The following ZNRF3 variants were observed in gnomAD, a reference collection of about 807,000 sequenced individuals.
ZNRF3 encodes E3 ubiquitin-protein ligase ZNRF3.
ZNRF3 carries 23 observed loss-of-function variants against 72.5 expected under a neutral mutation model. That is an observed-to-expected ratio of 0.32 (90% CI 0.23 to 0.45). The LOEUF (loss-of-function observed/expected upper bound fraction) is 0.45, where lower values mean the gene tolerates loss of function less well. ZNRF3 is among the 20% of genes least tolerant of loss of function. The pLI, the probability that ZNRF3 is intolerant of heterozygous loss-of-function variation, is 1.00. For synonymous variants in ZNRF3, 610 were observed against 545.3 expected, an observed-to-expected ratio of 1.12 and a Z score of -1.65; for missense variants, 1,169 against 1,272.1, an observed-to-expected ratio of 0.92 and a Z score of 1.23.
intron 1 of ZNRF3, among the ~76,000 whole-genome samples, chr22:28,918,541 TGTGTGTGTGTGTGTGTG>T (rs2034450713): frequency 1.0e-3 from 2 of 1,992 alleles, no homozygotes; most frequent in African/African-American, 1.6e-3. Flanking sequence ...TGTGTGCGTG[TGTGTGTGTGTGTGTGTG>T]TGTGTGTGTG....
chr22:28,988,913 C>T (rs539955710), intron 2 of ZNRF3, among the ~76,000 whole-genome samples: 4 of 152,266 alleles, frequency 2.6e-5, no homozygotes, highest in African/African-American at 4.8e-5. Flanking sequence ...CATGGTTTAG[C>T]GGTGGGGAAA....
chr22:29,049,753 C>T lies in ZNRF3; in HGVS notation c.1572C>T (p.Gly524=), dbSNP rs756383018. 3 of 1,593,676 alleles carry T rather than the reference C, an allele frequency of 1.9e-6. No individual in the cohort carries two copies. The highest frequency in any genetic ancestry group is 2.2e-5 in the East Asian group (1 of 44,498). The change falls in exon 8 of 9, where the codon GGC becomes GGT. Residue 524 remains glycine, a synonymous_variant. Coordinates refer to ENST00000544604, the MANE Select transcript of ZNRF3 (RefSeq NM_001206998.2). This position sits in a 1 kb window ranked among gnomAD's most constrained non-coding sequence, Gnocchi z 5.2. The part of the protein sequence containing the change: ...HVAPPSHLES[G]STSSFSCYHG... ...CCCCGCCCTCCCACCTGGAGAGCGG[C>T]AGCACGTCCAGCTTCAGCTGCTATC...
intron 1 of ZNRF3, among the ~76,000 whole-genome samples, chr22:28,911,295 T>A (rs1253236303): frequency 1.3e-5 from 2 of 152,190 alleles, no homozygotes; most frequent in Non-Finnish European, 2.9e-5. Context: ...ACTTTTATCA[T>A]GGAGACCAGT....
At position 29,050,744 on chromosome 22, in the gene ZNRF3, T is replaced by C; in HGVS notation, c.2563T>C (p.Trp855Arg). The part of the protein sequence containing the change: ...DCQGTHSLGS[W>R]GGTRGPDTPR... ...CCAAGGGACCCACAGCCTCGGCTCC[T>C]GGGGTGGGACGCGAGGCCCGGATAC... The change falls in exon 8 of 9, where the codon TGG (tryptophan) becomes CGG (arginine). Residue 855 changes from tryptophan to arginine, a missense_variant. By Grantham distance (101) the Trp-to-Arg change is moderately radical (BLOSUM62 -3). This residue lies in a region of ZNRF3 where 783 missense variants were observed against 731.4 expected (regional missense o/e 1.07). Coordinates refer to ENST00000544604, the MANE Select transcript of ZNRF3 (RefSeq NM_001206998.2). 1 of 1,609,772 alleles carries C rather than the reference T, an allele frequency of 6.2e-7. No individual in the cohort carries two copies. The highest frequency in any genetic ancestry group is 8.5e-7 in the Non-Finnish European group (1 of 1,178,438).
At chr22:28,950,048 A>C (rs1292560029) in intron 1 of ZNRF3, among the ~76,000 whole-genome samples, 1 of 152,160 alleles carries the variant, frequency 6.6e-6, no homozygotes, top group Admixed American at 6.5e-5. Context: ...CAACATTCTT[A>C]AGGAAACTTT....
intron 1 of ZNRF3, among the ~76,000 whole-genome samples, chr22:28,911,929 G>A (rs1330905669): frequency 1.3e-5 from 2 of 152,140 alleles, no homozygotes; most frequent in African/African-American, 4.8e-5. Context: ...TCCCCCAAAT[G>A]AATGAGGAAT....
In ZNRF3 at chr22:29,049,575, A is replaced by G. The variant is rs747309730; in HGVS notation, c.1394A>G (p.Tyr465Cys). 3.7e-6 allele frequency: 6 copies of G among 1,606,854 alleles called. No homozygotes were observed. The Admixed American group carries it at 8.4e-5, about 22-fold the overall frequency. ...TCCAAGGCAGCTTGCTTCTCCCAGTATGAGACCATGTACCAGCACTACTAC... is the reference window on the plus strand; with the variant it reads ...TCCAAGGCAGCTTGCTTCTCCCAGTGTGAGACCATGTACCAGCACTACTAC... ...SFSKAACFSQ[Y>C]ETMYQHYYFQ... Residue 465 changes from tyrosine (Y) to cysteine (C), a missense_variant, in exon 8 of 9, where the codon TAT becomes TGT. Tyr to Cys is a radical substitution (Grantham distance 194). This residue lies in a region of ZNRF3 where 783 missense variants were observed against 731.4 expected (regional missense o/e 1.07). Transcript: ENST00000544604. The surrounding 1 kb of genome is among the most constrained non-coding windows in gnomAD (Gnocchi z 5.2).
At chr22:29,025,567 T>TC (rs1347452013) in intron 2 of ZNRF3, 1 of 151,926 alleles carries the variant, frequency 6.6e-6, no homozygotes, top group Non-Finnish European at 1.5e-5. Context: ...TTTCTTTCTT[T>TC]TTTTTTTTTG....
chr22:28,999,613 A>C (rs2036109270), intron 2 of ZNRF3, among the ~76,000 whole-genome samples: 1 of 152,232 alleles, frequency 6.6e-6, no homozygotes. Flanking sequence ...TTTTGTTCTC[A>C]AATAGAGAGG....
chr22:28,931,358 A>C (rs2034703776), intron 1 of ZNRF3, among the ~76,000 whole-genome samples: 1 of 152,120 alleles, frequency 6.6e-6, no homozygotes, highest in Admixed American at 6.5e-5. Flanking sequence ...GAGCAGATCC[A>C]ATTGCTCTTT....
chr22:28,901,932 CTTTTT>C (rs398036773), intron 1 of ZNRF3, among the ~76,000 whole-genome samples: 1 of 112,978 alleles, frequency 8.9e-6, no homozygotes. Context: ...TTTAAGTTAA[CTTTTT>C]TTTTTTTTTT....
intron 1 of ZNRF3, among the ~76,000 whole-genome samples, chr22:28,962,050 A>G (rs1044520921): frequency 6.6e-6 from 1 of 152,206 alleles, no homozygotes; most frequent in Non-Finnish European, 1.5e-5. Flanking sequence ...AATATAGGGA[A>G]GTATTAGATT....
intron 1 of ZNRF3, among the ~76,000 whole-genome samples, chr22:28,982,931 A>C (rs555297651): frequency 1.3e-5 from 2 of 152,252 alleles, no homozygotes; most frequent in African/African-American, 4.8e-5. Flanking sequence ...TGTTAGATTG[A>C]ATTAACAGAC....
chr22:28,918,510 G>A lies in ZNRF3; in HGVS notation c.300+34444G>A, dbSNP rs146679401. Among the ~76,000 whole-genome samples the A allele has an allele frequency of 2.0e-3, 302 of 148,906 alleles. 2 individuals are homozygous for A. Among genetic ancestry groups the A allele is most frequent in the Middle Eastern group, 6.8e-3 (2 of 294 alleles). On this transcript the variant is annotated intron_variant, in intron 1 of 8. Transcript: ENST00000544604. ...TGCGTGCGTGTGTGTGTATGCACACGTGTGTGTATGTGTATCTGCATGTGT... is the reference window on the plus strand; with the variant it reads ...TGCGTGCGTGTGTGTGTATGCACACATGTGTGTATGTGTATCTGCATGTGT...
At chr22:28,962,552 A>G (rs1243582211) in intron 1 of ZNRF3, among the ~76,000 whole-genome samples, 1 of 152,194 alleles carries the variant, frequency 6.6e-6, no homozygotes, top group African/African-American at 2.4e-5. Flanking sequence ...GCAGGCCATG[A>G]TAGGATCTGG....
Position 29,054,604 on chromosome 22 carries a change from C to T in ZNRF3, c.*982C>T, listed in dbSNP as rs1343731465. On this transcript the variant is annotated 3_prime_UTR_variant, in exon 9 of 9. Transcript: ENST00000544604. ...CCCCTGCCACTGGCTGCAGAAATGG[C>T]TCGACGGGGTGTGTGGGGACAGACA... 1.3e-5 allele frequency: 2 copies of T among 152,868 alleles called. No homozygotes were observed. The highest frequency in any genetic ancestry group is 2.9e-5 in the Non-Finnish European group (2 of 68,230). The allele number at this position is 152,868 out of a possible 1,614,324, so 9.5% of individuals were successfully genotyped here.
intron 1 of ZNRF3, among the ~76,000 whole-genome samples, chr22:28,970,354 G>A (rs1257119837): frequency 6.6e-6 from 1 of 152,136 alleles, no homozygotes; most frequent in South Asian, 2.1e-4. Context: ...AAAATTAAAA[G>A]GCTGATACTA....
chr22:28,912,761 T>A (rs2034342497), intron 1 of ZNRF3, among the ~76,000 whole-genome samples: 1 of 149,880 alleles, frequency 6.7e-6, no homozygotes, highest in Admixed American at 6.8e-5. Context: ...GCCTCCCGGG[T>A]TCAAGTGATT....
At chr22:29,033,939 G>A (rs2036815981) in intron 2 of ZNRF3, among the ~76,000 whole-genome samples, 3 of 152,196 alleles carry the variant, frequency 2.0e-5, no homozygotes, top group Admixed American at 2.0e-4. Flanking sequence ...AAGTAACTTG[G>A]GGACCCAAAA....
Sources: gnomAD v4.1 joint callset for allele counts (sites outside exome capture counted in the v4.1 genomes callset) on GRCh38, gnomAD v4.1.1 for gene constraint, gnomAD v4.1.1 regional missense constraint, Gnocchi (gnomAD v3.1) non-coding constraint, MANE v1.5 for transcripts, NCBI Gene and HGNC (gene_info 2026-07-23, HGNC 2026-07-21) for gene names.